Variants in EXOC4 observed in about 807,000 individuals in gnomAD.
EXOC4 encodes the protein SEC8-like 1.
A neutral mutation model predicts 107.2 loss-of-function variants in EXOC4; 71 were observed. The observed-to-expected ratio is 0.66, with a 90% CI of 0.55 to 0.81. The LOEUF (loss-of-function observed/expected upper bound fraction) is 0.81. EXOC4 is among the 30% of genes least tolerant of loss of function. The pLI, the probability that EXOC4 is intolerant of heterozygous loss-of-function variation, is 0.00. For missense variants in EXOC4, 1,108 were observed against 1,189.6 expected, an observed-to-expected ratio of 0.93 and a Z score of 1.01; for synonymous variants, 456 against 441.2, an observed-to-expected ratio of 1.03 and a Z score of -0.42.
chr7:133,383,116 G>A (rs1796654780), intron 7 of EXOC4, among the ~76,000 whole-genome samples: 1 of 152,118 alleles, frequency 6.6e-6, no homozygotes, highest in South Asian at 2.1e-4. Flanking sequence ...GGTGACAAGT[G>A]TGTCATATTG....
At chr7:133,944,937 CTAAAAA>C (rs1220659439) in intron 14 of EXOC4, among the ~76,000 whole-genome samples, 1 of 152,132 alleles carries the variant, frequency 6.6e-6, no homozygotes, top group East Asian at 1.9e-4. Flanking sequence ...AATTTCTTCA[CTAAAAA>C]TAAAGTCTTA....
intron 10 of EXOC4, among the ~76,000 whole-genome samples, chr7:133,647,975 TA>T (rs1248486856): frequency 6.6e-6 from 1 of 152,184 alleles, no homozygotes; most frequent in African/African-American, 2.4e-5. Context: ...GCCCAGTCAC[TA>T]TGCCCTTCTA....
intron 9 of EXOC4, among the ~76,000 whole-genome samples, chr7:133,604,717 T>TTTTC (rs1801895540): frequency 1.0e-5 from 1 of 96,412 alleles, no homozygotes; most frequent in East Asian, 2.6e-4. Context: ...TTTCTTTTTT[T>TTTTC]TTTTTTTTTT....
intron 14 of EXOC4, among the ~76,000 whole-genome samples, chr7:133,979,440 A>G (rs1163389448): frequency 6.6e-6 from 1 of 152,158 alleles, no homozygotes; most frequent in African/African-American, 2.4e-5. Flanking sequence ...TGATCTCTCA[A>G]TCACATGAAC....
In EXOC4 at chr7:134,064,633, CT is replaced by C; in HGVS notation, c.*108del. 1.3e-6 allele frequency: 1 copy of C among 744,626 alleles called. No individual in the cohort carries two copies. The highest frequency in any genetic ancestry group is 2.8e-5 in the East Asian group (1 of 35,912). The allele number at this position is 744,626 out of a possible 1,614,324, so 46.1% of individuals were successfully genotyped here. A position where few individuals can be genotyped will look rare whatever the true frequency, so the allele number is the denominator to read the frequency against. ...GAGCTTAGTTTTCTCTACAGTGATA[CT>C]TTAGTGGAGAGGAGGTGTAAGGATT... On this transcript the variant is annotated 3_prime_UTR_variant, in exon 18 of 18. Coordinates refer to ENST00000253861, the MANE Select transcript of EXOC4 (RefSeq NM_021807.4).
chr7:133,654,646 T>C (rs573291870), intron 10 of EXOC4, among the ~76,000 whole-genome samples: 1 of 152,280 alleles, frequency 6.6e-6, no homozygotes, highest in South Asian at 2.1e-4. Flanking sequence ...GCAGCAGTTC[T>C]CTTTCTTTCT....
intron 11 of EXOC4, among the ~76,000 whole-genome samples, chr7:133,860,174 C>G (rs557905810): frequency 2.6e-4 from 39 of 152,124 alleles, no homozygotes; most frequent in Admixed American, 5.2e-4. Context: ...GCCTGTAGGC[C>G]AATGCCTGTT....
intron 3 of EXOC4, 121 bp downstream of exon 3, chr7:133,289,237 G>A: frequency 1.3e-6 from 1 of 764,216 alleles, no homozygotes. Context: ...GGATTCATGA[G>A]CCCTTGAAGG....
intron 10 of EXOC4, among the ~76,000 whole-genome samples, chr7:133,785,074 G>A (rs970889370): frequency 6.6e-6 from 1 of 152,148 alleles, no homozygotes; most frequent in African/African-American, 2.4e-5. Flanking sequence ...TAAATCACCA[G>A]TTAATATATC....
chr7:133,762,666 C>T (rs1796057086), intron 10 of EXOC4, among the ~76,000 whole-genome samples: 1 of 152,044 alleles, frequency 6.6e-6, no homozygotes, highest in South Asian at 2.1e-4. Flanking sequence ...GTAAGTTAAT[C>T]ATGCTGTATC....
intron 7 of EXOC4, among the ~76,000 whole-genome samples, chr7:133,451,193 G>A (rs1182588347): frequency 2.7e-5 from 4 of 150,836 alleles, no homozygotes; most frequent in Admixed American, 6.7e-5. Flanking sequence ...TTGTGTGTGG[G>A]TCCAGATTTT....
At chr7:133,459,976 A>G (rs774531725) in intron 7 of EXOC4, among the ~76,000 whole-genome samples, 2 of 152,234 alleles carry the variant, frequency 1.3e-5, no homozygotes, top group African/African-American at 4.8e-5. Flanking sequence ...AGGAAAGCCA[A>G]TGCAAAAGAA....
In EXOC4 at chr7:133,859,979, C is replaced by G. The variant is rs535198054; in HGVS notation, c.1735-35620C>G. Among the ~76,000 whole-genome samples the G allele has an allele frequency of 1.7e-4, 26 of 152,286 alleles. 1 individual carries two copies. Among genetic ancestry groups the G allele is most frequent in the South Asian group, 6.2e-4 (3 of 4,814 alleles). On this transcript the variant is annotated intron_variant, in intron 11 of 17. Coordinates refer to ENST00000253861, the MANE Select transcript of EXOC4 (RefSeq NM_021807.4). ...AGAGCCAGCTGTAGACTAGAAAACT[C>G]CAACCCGTAGAACATCTGGAATGTT...
chr7:133,947,873 T>C (rs1800592661), intron 14 of EXOC4, among the ~76,000 whole-genome samples: 1 of 152,216 alleles, frequency 6.6e-6, no homozygotes, highest in African/African-American at 2.4e-5. Context: ...AGCTGAATGA[T>C]TTTATCTTCA....
chr7:133,873,316 G>A (rs1388362767), intron 11 of EXOC4, among the ~76,000 whole-genome samples: 4 of 152,134 alleles, frequency 2.6e-5, no homozygotes, highest in African/African-American at 7.2e-5. Flanking sequence ...GTTGTTTTTC[G>A]GCATATGTCT....
At chr7:133,351,208 A>C (rs1795902243) in intron 5 of EXOC4, among the ~76,000 whole-genome samples, 1 of 152,004 alleles carries the variant, frequency 6.6e-6, no homozygotes, top group South Asian at 2.1e-4. Flanking sequence ...TATCAGGGCA[A>C]TGCTGGCCTC....
rs368156142 is a variant in EXOC4, at chr7:133,326,147, A to G, written c.763+8757A>G. On this transcript the variant is annotated intron_variant, in intron 5 of 17. Coordinates refer to ENST00000253861, the MANE Select transcript of EXOC4 (RefSeq NM_021807.4). ...TTTTAAGGTTTTTAACTTCTTTGCAATGGGTTCGAACTTCCTCCTTTAGCT... is the reference window on the plus strand; with the variant it reads ...TTTTAAGGTTTTTAACTTCTTTGCAGTGGGTTCGAACTTCCTCCTTTAGCT... 2.1e-3 allele frequency among the ~76,000 whole-genome samples: 322 copies of G among 152,214 alleles called. 14 individuals are homozygous for G. In the South Asian group the frequency reaches 0.065, roughly 31 times the overall value.
chr7:133,912,329 C>T (rs920165288), intron 12 of EXOC4, among the ~76,000 whole-genome samples: 1 of 152,116 alleles, frequency 6.6e-6, no homozygotes, highest in Non-Finnish European at 1.5e-5. Context: ...GAATAAGTAG[C>T]GTAGAAGGGA....
chr7:134,045,211 G>A (rs778380606), intron 17 of EXOC4, among the ~76,000 whole-genome samples: 11 of 152,156 alleles, frequency 7.2e-5, no homozygotes, highest in East Asian at 1.9e-4. Flanking sequence ...TCTATCATAC[G>A]TAGAGTTGTT....
Sources: allele counts gnomAD v4.1 joint callset (sites outside exome capture counted in the v4.1 genomes callset), GRCh38; gene constraint gnomAD v4.1.1; transcripts MANE v1.5; gene names NCBI Gene and HGNC (gene_info 2026-07-23, HGNC 2026-07-21).